The following PRKACB variants were observed in gnomAD, a reference collection of about 807,000 sequenced individuals.
The protein encoded by PRKACB is protein kinase cAMP-activated catalytic subunit beta.
In PRKACB, 16 loss-of-function variants were observed where a neutral mutation model predicts 51.4. The ratio of observed to expected loss-of-function variants is 0.31; its 90% CI spans 0.21 to 0.47. PRKACB has a LOEUF of 0.47. PRKACB is among the 20% of genes least tolerant of loss of function. The probability of loss-of-function intolerance (pLI) is 1.00; values close to 1 mark genes in which losing one functional copy is unlikely to be tolerated. For missense variants in PRKACB, 309 were observed against 464.5 expected, an observed-to-expected ratio of 0.67 and a Z score of 3.08; for synonymous variants, 147 against 154.4, an observed-to-expected ratio of 0.95 and a Z score of 0.35.
intron 1 of PRKACB, among the ~76,000 whole-genome samples, chr1:84,107,161 CAT>C (rs1475840511): frequency 6.6e-6 from 1 of 151,954 alleles, no homozygotes; most frequent in African/African-American, 2.4e-5. Flanking sequence ...TATTTTAAAA[CAT>C]ATATAAAATG....
At chr1:84,202,829 C>T (rs368761586) in intron 8 of PRKACB, 24 bp downstream of exon 8, 22 of 1,551,152 alleles carry the variant, frequency 1.4e-5, no homozygotes, top group Middle Eastern at 3.4e-4. Context: ...TTTATTATTC[C>T]TCTCTTATTA....
At chr1:84,157,141 CCT>C (rs1655599633) in intron 1 of PRKACB, among the ~76,000 whole-genome samples, 1 of 152,108 alleles carries the variant, frequency 6.6e-6, no homozygotes, top group African/African-American at 2.4e-5. Context: ...TTTCAGAATT[CCT>C]GTTTCATTTT....
intron 4 of PRKACB, among the ~76,000 whole-genome samples, chr1:84,184,853 A>G (rs1664630474): frequency 6.6e-6 from 1 of 151,884 alleles, no homozygotes; most frequent in South Asian, 2.1e-4. Flanking sequence ...TTGTTTGAGA[A>G]CTAGATGTTC....
At chr1:84,123,935 A>G (rs1352453973) in intron 1 of PRKACB, among the ~76,000 whole-genome samples, 1 of 152,138 alleles carries the variant, frequency 6.6e-6, no homozygotes. Flanking sequence ...ATTAAATTAA[A>G]AGAGAGAAAT....
At chr1:84,121,942 G>T (rs1651116740) in intron 1 of PRKACB, among the ~76,000 whole-genome samples, 2 of 152,080 alleles carry the variant, frequency 1.3e-5, no homozygotes, top group Admixed American at 1.3e-4. Flanking sequence ...CTCTGCCACT[G>T]AGCAGAGGTG....
At chr1:84,146,109 A>C (rs762223510) in intron 1 of PRKACB, among the ~76,000 whole-genome samples, 133 of 151,180 alleles carry the variant, frequency 8.8e-4, no homozygotes, top group Non-Finnish European at 1.6e-3. Context: ...AAATAGTATC[A>C]TGAGCCATGA....
chr1:84,212,164 A>G (rs1672229985), intron 8 of PRKACB, among the ~76,000 whole-genome samples: 1 of 152,200 alleles, frequency 6.6e-6, no homozygotes, highest in Admixed American at 6.5e-5. Context: ...AGTAGTGAAC[A>G]GAGTTGAGAA....
Position 84,189,317 on chromosome 1 carries a change from A to T in PRKACB, c.560+4135A>T, listed in dbSNP as rs544021802. ...CATGGCTCTCAGTAACAGCATGAGA[A>T]ATTTCCTGGTTACATGAAATAATAC... On this transcript the variant is annotated intron_variant, in intron 5 of 9. Coordinates refer to ENST00000370685, the MANE Select transcript of PRKACB (RefSeq NM_182948.4). Among the ~76,000 whole-genome samples the T allele has an allele frequency of 2.0e-5, 3 of 152,020 alleles. No individual in the cohort carries two copies. In the South Asian group the frequency reaches 6.2e-4, roughly 32 times the overall value.
chr1:84,109,041 ATTTG>A lies in PRKACB; in HGVS notation c.46+30676_46+30679del, dbSNP rs111685336. On this transcript the variant is annotated intron_variant, in intron 1 of 8. Coordinates refer to the PRKACB transcript ENST00000370688. The stretch of plus-strand genomic sequence containing the variant: ...GTCCCTGGTTTCTTTTTGCCTGACA[ATTTG>A]TTTGTGGGATTCATTCCTCTTGTTA... Among the ~76,000 whole-genome samples, 285 of 152,008 alleles carry A rather than the reference ATTTG, an allele frequency of 1.9e-3. 1 individual carries two copies. Among genetic ancestry groups the A allele is most frequent in the African/African-American group, 6.5e-3 (270 of 41,524 alleles).
chr1:84,211,276 A>G (rs897137848), intron 8 of PRKACB, among the ~76,000 whole-genome samples: 4 of 152,194 alleles, frequency 2.6e-5, no homozygotes, highest in African/African-American at 9.6e-5. Context: ...ATTTATATGT[A>G]GTACATTACT....
chr1:84,174,864 AT>A lies in PRKACB; in HGVS notation c.188-4310del, dbSNP rs1485126482. 5.9e-5 allele frequency among the ~76,000 whole-genome samples: 9 copies of A among 152,004 alleles called. No individual in the cohort carries two copies. In the South Asian group the frequency reaches 1.9e-3, roughly 32 times the overall value. The stretch of plus-strand genomic sequence containing the variant: ...AACAATAGTTACTTATTTCTTTACC[AT>A]TTAATTTGAAGATAACTTATTTGAA... On this transcript the variant is annotated intron_variant, in intron 1 of 9. Transcript: ENST00000370685.
intron 2 of PRKACB, among the ~76,000 whole-genome samples, chr1:84,179,872 A>G (rs2037455): frequency 0.49 from 73,761 of 150,624 alleles, 18,637 homozygotes; most frequent in Non-Finnish European, 0.56. Flanking sequence ...AGGTATAAAT[A>G]TGCCATGGTG....
intron 1 of PRKACB, among the ~76,000 whole-genome samples, chr1:84,083,165 C>T (rs776802605): frequency 1.3e-5 from 2 of 152,136 alleles, no homozygotes; most frequent in Non-Finnish European, 2.9e-5. Context: ...GGTCTTTACA[C>T]CTTTCAATTA....
chr1:84,180,499 A>G (rs1663056764), intron 2 of PRKACB, among the ~76,000 whole-genome samples: 1 of 151,690 alleles, frequency 6.6e-6, no homozygotes, highest in Admixed American at 6.6e-5. Flanking sequence ...ATGCACCAAA[A>G]TTTCACAAAT....
At chr1:84,224,926 C>T (rs1443268961) in intron 9 of PRKACB, among the ~76,000 whole-genome samples, 1 of 152,134 alleles carries the variant, frequency 6.6e-6, no homozygotes, top group Non-Finnish European at 1.5e-5. Context: ...GTGAACAGGG[C>T]AGTCTTTGGG....
At chr1:84,083,413 T>C (rs1395142197) in intron 1 of PRKACB, among the ~76,000 whole-genome samples, 1 of 151,090 alleles carries the variant, frequency 6.6e-6, no homozygotes, top group Admixed American at 6.6e-5. Context: ...CCTCTTATTC[T>C]CCTCAGTGTC....
upstream of PRKACB, among the ~76,000 whole-genome samples, chr1:84,141,635 T>G (rs569895413): frequency 1.3e-5 from 2 of 152,132 alleles, no homozygotes; most frequent in South Asian, 4.1e-4. Flanking sequence ...GTTTTAAAGC[T>G]TATGCATTGT....
chr1:84,181,710 A>C, intron 2 of PRKACB: 1 of 1,523,036 alleles, frequency 6.6e-7, no homozygotes, highest in African/African-American at 1.4e-5. Context: ...GAAATGAAGC[A>C]AGACTGATTT....
At chr1:84,102,943 C>T (rs1649463528) in intron 1 of PRKACB, among the ~76,000 whole-genome samples, 1 of 152,136 alleles carries the variant, frequency 6.6e-6, no homozygotes, top group Non-Finnish European at 1.5e-5. Context: ...ATTTCTATTC[C>T]TATCTCACCA....
Sources: allele counts gnomAD v4.1 joint callset (sites outside exome capture counted in the v4.1 genomes callset), GRCh38; gene constraint gnomAD v4.1.1; transcripts MANE v1.5; gene names NCBI Gene and HGNC (gene_info 2026-07-23, HGNC 2026-07-21).